Variants in RBFOX1 observed in about 807,000 individuals in gnomAD.
RBFOX1 encodes RNA binding protein fox-1 homolog 1.
A neutral mutation model predicts 57.7 loss-of-function variants in RBFOX1; 8 were observed. That is an observed-to-expected ratio of 0.14 (90% confidence interval 0.08 to 0.25). The LOEUF is 0.25. Among genes scored for constraint, RBFOX1 ranks in the 10% least tolerant of loss-of-function variants. The pLI is 1.00. For missense variants in RBFOX1, 611 were observed against 548.5 expected, an observed-to-expected ratio of 1.11 and a Z score of -1.14; for synonymous variants, 326 against 222.4, an observed-to-expected ratio of 1.47 and a Z score of -4.15.
chr16:6,520,604 T>A (rs1357779370), intron 2 of RBFOX1, among the ~76,000 whole-genome samples: 1 of 152,180 alleles, frequency 6.6e-6, no homozygotes, highest in Non-Finnish European at 1.5e-5. Context: ...GAAAGATATG[T>A]GGGCACCTTT....
At chr16:5,291,208 G>A (rs1459843159) in intron 1 of RBFOX1, among the ~76,000 whole-genome samples, 3 of 151,234 alleles carry the variant, frequency 2.0e-5, no homozygotes, top group Non-Finnish European at 4.4e-5. Context: ...AAGGGCTGAT[G>A]TAGGGATGGA....
chr16:6,974,602 C>T (rs1481718691), intron 3 of RBFOX1, among the ~76,000 whole-genome samples: 9 of 152,076 alleles, frequency 5.9e-5, no homozygotes, highest in South Asian at 2.1e-4. Context: ...ACCTCGGCCT[C>T]CCAAAGTGCT....
intron 3 of RBFOX1, among the ~76,000 whole-genome samples, chr16:6,852,740 C>G (rs147475078): frequency 1.1e-3 from 166 of 151,848 alleles, no homozygotes; most frequent in African/African-American, 3.9e-3. Context: ...AACTAGCTGT[C>G]TAGGTGAGAT....
chr16:6,497,540 T>C (rs42492), intron 2 of RBFOX1, among the ~76,000 whole-genome samples: 76,126 of 149,424 alleles, frequency 0.51, 19,353 homozygotes, highest in South Asian at 0.6. Context: ...ATAAATCCTT[T>C]ACACCGATTT....
At chr16:7,210,291 C>A in intron 4 of RBFOX1, among the ~76,000 whole-genome samples, 1 of 152,248 alleles carries the variant, frequency 6.6e-6, no homozygotes, top group East Asian at 1.9e-4. Flanking sequence ...AATCCATGGG[C>A]CAGGCCATCA....
chr16:5,793,430 G>T (rs1341415419), intron 3 of RBFOX1, among the ~76,000 whole-genome samples: 4 of 152,360 alleles, frequency 2.6e-5, no homozygotes, highest in Admixed American at 6.5e-5. Flanking sequence ...AATTCAGCCC[G>T]TTGGCATGGG....
intron 2 of RBFOX1, among the ~76,000 whole-genome samples, chr16:6,515,036 A>G (rs12923117): frequency 2.0e-4 from 31 of 152,288 alleles, no homozygotes; most frequent in African/African-American, 6.0e-4. Context: ...ACAAGCTTCA[A>G]TAATTTCTGA....
chr16:5,812,956 A>G (rs551820913), intron 3 of RBFOX1, among the ~76,000 whole-genome samples: 84 of 149,194 alleles, frequency 5.6e-4, no homozygotes, highest in Non-Finnish European at 1.1e-3. Context: ...TGATTTTCTT[A>G]TTGTTTTTAT....
intron 3 of RBFOX1, among the ~76,000 whole-genome samples, chr16:6,993,455 G>C (rs190304391): frequency 1.3e-5 from 2 of 152,194 alleles, no homozygotes; most frequent in South Asian, 2.1e-4. Context: ...GGATCCATCA[G>C]AGTGGGAAGG....
intron 5 of RBFOX1, among the ~76,000 whole-genome samples, chr16:7,552,784 G>T (rs532828661): frequency 2.0e-5 from 3 of 152,228 alleles, no homozygotes; most frequent in Admixed American, 6.5e-5. Context: ...CCAGGCTCAA[G>T]AGATTCTCCT....
intron 4 of RBFOX1, among the ~76,000 whole-genome samples, chr16:5,998,303 C>T (rs1216118830): frequency 1.3e-5 from 2 of 152,172 alleles, no homozygotes; most frequent in Admixed American, 1.3e-4. Flanking sequence ...GGATCTATTG[C>T]AATTCATTAA....
intron 4 of RBFOX1, among the ~76,000 whole-genome samples, chr16:7,110,429 A>C (rs1038998186): frequency 1.3e-5 from 2 of 152,144 alleles, no homozygotes; most frequent in African/African-American, 4.8e-5. Flanking sequence ...TTTGCTTGCA[A>C]AACACAGCAA....
chr16:6,928,165 T>C (rs913792121), intron 3 of RBFOX1, among the ~76,000 whole-genome samples: 1 of 152,176 alleles, frequency 6.6e-6, no homozygotes, highest in Non-Finnish European at 1.5e-5. Context: ...GCATTGGCTG[T>C]GCATTGGCAT....
chr16:6,085,298 G>T (rs886527510), intron 1 of RBFOX1, among the ~76,000 whole-genome samples: 4 of 152,178 alleles, frequency 2.6e-5, no homozygotes, highest in African/African-American at 9.7e-5. Flanking sequence ...TTGAGACGCG[G>T]TTTCGCTCTT....
At chr16:5,281,269 A>T (rs2151148186) in intron 1 of RBFOX1, among the ~76,000 whole-genome samples, 1 of 152,214 alleles carries the variant, frequency 6.6e-6, no homozygotes, top group South Asian at 2.1e-4. Context: ...TTCAAGTTTT[A>T]TTCCATTGTG....
rs1295633442 is a variant in RBFOX1, at chr16:7,304,275, G to C, written c.28-213872G>C. 41 of 984,084 alleles carry C rather than the reference G, an allele frequency of 4.2e-5. No homozygotes were observed. In the Admixed American group the frequency reaches 2.5e-3, roughly 60 times the overall value. The allele number at this position is 984,084 out of a possible 1,614,324, so 61.0% of individuals were successfully genotyped here. The stretch of plus-strand genomic sequence containing the variant: ...GCGCGAGCCACCGGTCATTGACTTA[G>C]ATAACCAGCAAAATTAAAAAAGAAA... On this transcript the variant is annotated intron_variant, in intron 4 of 15. Coordinates refer to ENST00000550418, the MANE Select transcript of RBFOX1 (RefSeq NM_018723.4).
chr16:6,913,822 C>T (rs543768199), intron 3 of RBFOX1, among the ~76,000 whole-genome samples: 1 of 152,182 alleles, frequency 6.6e-6, no homozygotes, highest in Non-Finnish European at 1.5e-5. Flanking sequence ...TAAACTACTT[C>T]CCAGCCCTGC....
At chr16:6,978,367 T>G (rs1197527874) in intron 3 of RBFOX1, among the ~76,000 whole-genome samples, 1 of 152,190 alleles carries the variant, frequency 6.6e-6, no homozygotes, top group East Asian at 1.9e-4. Context: ...TTAGATCTAA[T>G]TACTCATACA....
chr16:5,744,237 T>C (rs1307761561), intron 3 of RBFOX1, among the ~76,000 whole-genome samples: 1 of 152,142 alleles, frequency 6.6e-6, no homozygotes, highest in East Asian at 1.9e-4. Flanking sequence ...TCAAACATTC[T>C]CTGTTTCTTG....
Sources: gnomAD v4.1 joint callset for allele counts (sites outside exome capture counted in the v4.1 genomes callset) on GRCh38, gnomAD v4.1.1 for gene constraint, MANE v1.5 for transcripts, NCBI Gene and HGNC (gene_info 2026-07-23, HGNC 2026-07-21) for gene names.